Variants in SAMMSON observed in about 807,000 individuals in gnomAD.
SAMMSON encodes survival associated mitochondrial melanoma specific oncogenic non-coding RNA.
chr3:70,098,513 G>T (rs546197490), intron 4 of SAMMSON, among the ~76,000 whole-genome samples: 1 of 151,952 alleles, frequency 6.6e-6, no homozygotes, highest in African/African-American at 2.4e-5. Flanking sequence ...GAGTATAGGT[G>T]CCTGCCACTA....
intron 3 of SAMMSON, among the ~76,000 whole-genome samples, chr3:70,048,024 T>C (rs1185297919): frequency 6.6e-6 from 1 of 152,092 alleles, no homozygotes. Context: ...ATTCAAATCA[T>C]AGCAATGATT....
At chr3:70,321,902 A>G (rs768474888) in intron 7 of SAMMSON, among the ~76,000 whole-genome samples, 1 of 152,086 alleles carries the variant, frequency 6.6e-6, no homozygotes, top group African/African-American at 2.4e-5. Context: ...AGAATATATC[A>G]TCTTCTTGTA....
chr3:70,091,760 T>C (rs1482005882), intron 4 of SAMMSON, among the ~76,000 whole-genome samples: 3 of 152,170 alleles, frequency 2.0e-5, no homozygotes. Flanking sequence ...ACACAATAGA[T>C]GCTGGAGGAG....
At chr3:70,023,490 A>G (rs1339470618) in intron 3 of SAMMSON, among the ~76,000 whole-genome samples, 1 of 151,730 alleles carries the variant, frequency 6.6e-6, no homozygotes, top group Non-Finnish European at 1.5e-5. Flanking sequence ...TTATTTCTTT[A>G]TATTCTTTAT....
intron 4 of SAMMSON, chr3:70,120,557 C>T (rs924946657): frequency 6.6e-6 from 1 of 152,252 alleles, no homozygotes; most frequent in South Asian, 2.1e-4. Flanking sequence ...GCTCTCACCT[C>T]TGCCAGCAGG....
chr3:70,420,092 C>G (rs1302994958), intron 2 of SAMMSON, among the ~76,000 whole-genome samples: 3 of 152,268 alleles, frequency 2.0e-5, no homozygotes, highest in Non-Finnish European at 2.9e-5. Context: ...GGTGAAAGGT[C>G]CCTGAATTTT....
intron 4 of SAMMSON, among the ~76,000 whole-genome samples, chr3:70,119,748 TTATC>T (rs1261036657): frequency 3.3e-5 from 5 of 152,272 alleles, no homozygotes; most frequent in South Asian, 4.1e-4. Flanking sequence ...TGTAAACACA[TTATC>T]TATGTATATA....
At chr3:70,242,619 TC>T (rs1292192853) in intron 4 of SAMMSON, among the ~76,000 whole-genome samples, 1 of 152,242 alleles carries the variant, frequency 6.6e-6, no homozygotes, top group Non-Finnish European at 1.5e-5. Flanking sequence ...TTAAATGGTT[TC>T]CATTTTAACT....
intron 7 of SAMMSON, among the ~76,000 whole-genome samples, chr3:70,302,966 G>T (rs181579078): frequency 1.7e-4 from 26 of 152,238 alleles, no homozygotes; most frequent in African/African-American, 5.5e-4. Flanking sequence ...TGGCCTATGA[G>T]AACACAGAAG....
At chr3:70,143,032 AAAGCCTC>A (rs2106682305) in intron 4 of SAMMSON, among the ~76,000 whole-genome samples, 2 of 152,298 alleles carry the variant, frequency 1.3e-5, no homozygotes, top group South Asian at 4.1e-4. Flanking sequence ...TGAACCACTT[AAAGCCTC>A]AAGCACTTTA....
In SAMMSON at chr3:70,275,555, G is replaced by A. The variant is rs1019383607; in HGVS notation, n.675-15624G>A. ...AAACAAATCAAATCAAAAAAACAAA[G>A]GAATTCAGTCCTTGGGACTGCACTG... On this transcript the variant is annotated intron_variant and non_coding_transcript_variant, in intron 6 of 9. Transcript: ENST00000642114. Among the ~76,000 whole-genome samples the A allele has an allele frequency of 7.2e-5, 11 of 151,954 alleles. No individual in the cohort carries two copies. In the East Asian group the frequency reaches 2.1e-3, roughly 29 times the overall value.
At chr3:70,307,089 T>C (rs1173506601) in intron 7 of SAMMSON, among the ~76,000 whole-genome samples, 1 of 152,132 alleles carries the variant, frequency 6.6e-6, no homozygotes, top group African/African-American at 2.4e-5. Flanking sequence ...TAGGTTTCAT[T>C]TAGAGATACA....
chr3:70,250,717 A>G (rs1187312353), intron 6 of SAMMSON, among the ~76,000 whole-genome samples: 1 of 152,134 alleles, frequency 6.6e-6, no homozygotes. Flanking sequence ...TCCACTGGCA[A>G]TTCTTTTGTT....
intron 4 of SAMMSON, among the ~76,000 whole-genome samples, chr3:70,186,857 C>T (rs1259707405): frequency 2.6e-5 from 4 of 152,190 alleles, no homozygotes; most frequent in African/African-American, 9.7e-5. Flanking sequence ...TGGAAGTAAA[C>T]TCAGGGAAGC....
intron 6 of SAMMSON, among the ~76,000 whole-genome samples, chr3:70,285,204 C>T (rs1303459941): frequency 2.7e-5 from 3 of 112,190 alleles, no homozygotes; most frequent in South Asian, 3.8e-4. Context: ...CTATCCCTCC[C>T]CCCTCCCCCC....
intron 4 of SAMMSON, among the ~76,000 whole-genome samples, chr3:70,105,290 G>T (rs73836100): frequency 0.012 from 1,873 of 152,258 alleles, 37 homozygotes; most frequent in African/African-American, 0.043. Flanking sequence ...TTCACCATTA[G>T]TCTGCCTTTC....
At chr3:70,367,962 T>G (rs1046210282) in intron 9 of SAMMSON, among the ~76,000 whole-genome samples, 9 of 138,176 alleles carry the variant, frequency 6.5e-5, no homozygotes, top group Admixed American at 1.4e-4. Flanking sequence ...TAAAATTGGG[T>G]TTTTTTTTTT....
intron 4 of SAMMSON, among the ~76,000 whole-genome samples, chr3:70,136,005 C>T (rs1479264972): frequency 6.7e-6 from 1 of 148,944 alleles, no homozygotes; most frequent in African/African-American, 2.5e-5. Context: ...AATATACTTT[C>T]AATATAATGT....
At chr3:70,198,020 A>C (rs1321879523) in intron 4 of SAMMSON, among the ~76,000 whole-genome samples, 2 of 152,204 alleles carry the variant, frequency 1.3e-5, no homozygotes, top group Non-Finnish European at 2.9e-5. Context: ...AAAGGGAATT[A>C]GTTAGAAGAT....
Sources: gnomAD v4.1 joint callset for allele counts (sites outside exome capture counted in the v4.1 genomes callset) on GRCh38, gnomAD v4.1.1 for gene constraint, MANE v1.5 for transcripts, NCBI Gene and HGNC (gene_info 2026-07-23, HGNC 2026-07-21) for gene names.